Variants in GSK3B observed in about 807,000 individuals in gnomAD.
The protein encoded by GSK3B is glycogen synthase kinase 3 beta.
GSK3B carries 15 observed loss-of-function variants against 56.4 expected under a neutral mutation model. The observed-to-expected ratio is 0.27, with a 90% CI of 0.18 to 0.41. The LOEUF (loss-of-function observed/expected upper bound fraction) is 0.41. GSK3B is among the 10% of genes least tolerant of loss of function. The pLI is 1.00. For synonymous variants in GSK3B, 181 were observed against 188.9 expected (o/e 0.96, Z 0.34); for missense variants, 300 against 513.4 (o/e 0.58, Z 4.02).
intron 2 of GSK3B, among the ~76,000 whole-genome samples, chr3:119,969,886 T>C (rs1183037278): frequency 1.3e-5 from 2 of 152,258 alleles, no homozygotes; most frequent in Non-Finnish European, 2.9e-5. Flanking sequence ...GCCATCGTTC[T>C]GAGTAGCGTG....
chr3:119,886,238 A>G (rs2056434583), intron 7 of GSK3B, among the ~76,000 whole-genome samples: 1 of 152,150 alleles, frequency 6.6e-6, no homozygotes, highest in African/African-American at 2.4e-5. Flanking sequence ...AGAACACGTG[A>G]ACAGAAACTT....
chr3:119,871,777 A>T (rs2056253126), intron 8 of GSK3B, among the ~76,000 whole-genome samples: 1 of 152,154 alleles, frequency 6.6e-6, no homozygotes, highest in Non-Finnish European at 1.5e-5. Flanking sequence ...TAAACCAGAA[A>T]ATCCAGCATG....
In GSK3B at chr3:119,864,883, T is replaced by C. The variant is rs571477705; in HGVS notation, c.910-1278A>G. On this transcript the variant is annotated intron_variant, in intron 8 of 10. Transcript: ENST00000264235. ...TGAGAAATTAGGTAAAGTAGGCTCTTAGGAAATTATTTCGGAACATAAAGA... is the reference window on the plus strand; with the variant it reads ...TGAGAAATTAGGTAAAGTAGGCTCTCAGGAAATTATTTCGGAACATAAAGA... 4.6e-5 allele frequency among the ~76,000 whole-genome samples: 7 copies of C among 152,336 alleles called. No homozygotes were observed. The South Asian group carries it at 1.0e-3, about 23-fold the overall frequency.
intron 2 of GSK3B, among the ~76,000 whole-genome samples, chr3:119,994,368 A>G (rs983987885): frequency 2.6e-5 from 4 of 152,174 alleles, no homozygotes; most frequent in African/African-American, 9.7e-5. Context: ...TTAGAAAATC[A>G]CCATTTGTAG....
At chr3:120,067,341 A>C (rs1223393288) in intron 1 of GSK3B, among the ~76,000 whole-genome samples, 1 of 152,134 alleles carries the variant, frequency 6.6e-6, no homozygotes, top group Non-Finnish European at 1.5e-5. Context: ...CGCCCACTAA[A>C]TCCACTGTAA....
chr3:119,866,771 C>T, intron 8 of GSK3B: 1 of 592,076 alleles, frequency 1.7e-6, no homozygotes, highest in East Asian at 3.1e-5. Flanking sequence ...CAGTTATAAA[C>T]TTTAAACATC....
intron 2 of GSK3B, among the ~76,000 whole-genome samples, chr3:119,956,267 G>A (rs1356911010): frequency 6.6e-6 from 1 of 152,192 alleles, no homozygotes; most frequent in African/African-American, 2.4e-5. Flanking sequence ...ACGACTCAGG[G>A]ACACTGAAGC....
Position 119,854,704 on chromosome 3 carries a change from C to T in GSK3B, c.1096+8715G>A, listed in dbSNP as rs527926048. Among the ~76,000 whole-genome samples the T allele has an allele frequency of 9.3e-4, 142 of 152,264 alleles. 1 individual carries two copies. Among genetic ancestry groups the T allele is most frequent in the African/African-American group, 3.4e-3 (141 of 41,540 alleles). ...TCTTCTAGATTTTCTAGTTTATTTG[C>T]GTAGAAGTGTTCATAGTATTCTCTG... On this transcript the variant is annotated intron_variant, in intron 9 of 10. Coordinates refer to ENST00000264235, the MANE Select transcript of GSK3B (RefSeq NM_001146156.2).
At chr3:119,890,263 GA>G (rs1350138551) in intron 7 of GSK3B, among the ~76,000 whole-genome samples, 1 of 152,040 alleles carries the variant, frequency 6.6e-6, no homozygotes, top group Non-Finnish European at 1.5e-5. Context: ...AATGGATAAA[GA>G]AATTGTGGTA....
intron 10 of GSK3B, among the ~76,000 whole-genome samples, chr3:119,841,172 A>T (rs2055765928): frequency 6.6e-6 from 1 of 152,194 alleles, no homozygotes; most frequent in Admixed American, 6.5e-5. Flanking sequence ...TTTATGTTGA[A>T]ATCTGATTTC....
At chr3:120,063,502 G>A (rs542890008) in intron 1 of GSK3B, among the ~76,000 whole-genome samples, 41 of 150,230 alleles carry the variant, frequency 2.7e-4, no homozygotes, top group Non-Finnish European at 5.5e-4. Flanking sequence ...CAAGGTGGGC[G>A]GATCACCTGA....
chr3:119,963,764 C>G (rs949266525), intron 2 of GSK3B, among the ~76,000 whole-genome samples: 16 of 151,536 alleles, frequency 1.1e-4, no homozygotes, highest in Non-Finnish European at 2.1e-4. Flanking sequence ...ATTTACAATG[C>G]AGAAAGGACA....
chr3:119,855,677 T>C (rs1206121376), intron 9 of GSK3B, among the ~76,000 whole-genome samples: 1 of 152,168 alleles, frequency 6.6e-6, no homozygotes, highest in Non-Finnish European at 1.5e-5. Flanking sequence ...ATGTCCTCTG[T>C]AGGGACATGG....
At chr3:119,979,706 CTG>C (rs1052113574) in intron 2 of GSK3B, among the ~76,000 whole-genome samples, 1 of 152,166 alleles carries the variant, frequency 6.6e-6, no homozygotes, top group African/African-American at 2.4e-5. Flanking sequence ...CTTTTCTTCA[CTG>C]TGTCTTGCAA....
intron 2 of GSK3B, among the ~76,000 whole-genome samples, chr3:119,985,673 C>T (rs925903915): frequency 9.9e-5 from 15 of 152,004 alleles, no homozygotes; most frequent in African/African-American, 3.4e-4. Flanking sequence ...CACTGCTCAA[C>T]GAAATAAAAG....
chr3:119,912,194 A>G (rs1368255222), intron 6 of GSK3B, among the ~76,000 whole-genome samples: 1 of 152,122 alleles, frequency 6.6e-6, no homozygotes, highest in Non-Finnish European at 1.5e-5. Context: ...AGGCCTGAGG[A>G]TAGGAAGAGA....
At chr3:120,025,924 C>T (rs1214675833) in intron 1 of GSK3B, among the ~76,000 whole-genome samples, 2 of 152,120 alleles carry the variant, frequency 1.3e-5, no homozygotes, top group Non-Finnish European at 2.9e-5. Flanking sequence ...CCTATCTGTA[C>T]ACTGAAAGGA....
In GSK3B at chr3:119,826,589, A is replaced by G. The variant is rs1436764558; in HGVS notation, c.*199T>C. The G allele has an allele frequency of 2.2e-6, 1 of 450,858 alleles. No homozygotes were observed. The highest frequency in any genetic ancestry group is 1.6e-5 in the South Asian group (1 of 62,056). 27.9% of individuals were successfully genotyped at this position (450,858 alleles called of 1,614,324 possible). A position where few individuals can be genotyped will look rare whatever the true frequency, so the allele number is the denominator to read the frequency against. The stretch of plus-strand genomic sequence containing the variant: ...CACCCCCTGGATCTCCCTCAAAGTG[A>G]GAATACAATGAAATTGGTTTGTATT... On this transcript the variant is annotated 3_prime_UTR_variant, in exon 11 of 11. Transcript: ENST00000264235.
At chr3:119,901,411 G>T (rs2056624051) in intron 7 of GSK3B, among the ~76,000 whole-genome samples, 1 of 152,124 alleles carries the variant, frequency 6.6e-6, no homozygotes, top group Non-Finnish European at 1.5e-5. Context: ...TTCATGCTTA[G>T]AAATGATTTT....
Sources: gnomAD v4.1 joint callset for allele counts (sites outside exome capture counted in the v4.1 genomes callset) on GRCh38, gnomAD v4.1.1 for gene constraint, MANE v1.5 for transcripts, NCBI Gene and HGNC (gene_info 2026-07-23, HGNC 2026-07-21) for gene names.